The following PIK3R4 variants were observed in gnomAD, a reference collection of about 807,000 sequenced individuals.
The protein encoded by PIK3R4 is phosphoinositide 3-kinase regulatory subunit 4.
PIK3R4 carries 46 observed loss-of-function variants against 136.5 expected under a neutral mutation model. The observed-to-expected ratio is 0.34, with a 90% CI of 0.27 to 0.43. PIK3R4 has a LOEUF of 0.43. Among genes scored for constraint, PIK3R4 ranks in the 20% least tolerant of loss-of-function variants. PIK3R4 has a pLI of 1.00. For synonymous variants in PIK3R4, 557 were observed against 566.7 expected, an observed-to-expected ratio of 0.98 and a Z score of 0.24; for missense variants, 1,331 against 1,649.5, an observed-to-expected ratio of 0.81 and a Z score of 3.35.
intron 3 of PIK3R4, among the ~76,000 whole-genome samples, chr3:130,735,065 T>C (rs1012632869): frequency 6.6e-6 from 1 of 152,218 alleles, no homozygotes; most frequent in African/African-American, 2.4e-5. Flanking sequence ...GTAACAAGTA[T>C]GTGCCATACC....
In PIK3R4 at chr3:130,681,525, CAG is replaced by C; in HGVS notation, c.3672_3673del (p.Trp1225GlyfsTer9). 6.2e-7 allele frequency: 1 copy of C among 1,612,278 alleles called. No individual in the cohort carries two copies. Among genetic ancestry groups the C allele is most frequent in the Non-Finnish European group, 8.5e-7 (1 of 1,178,422 alleles). On this transcript the variant is annotated frameshift_variant, in exon 17 of 20. Coordinates refer to ENST00000356763, the MANE Select transcript of PIK3R4 (RefSeq NM_014602.3). LOFTEE classifies it high-confidence loss of function. ...AGAAAGTGGTGGTGCACTGCTGGCC[CAG>C]AGAGTAAATCTTCTGTCACCAGTCT... is the stretch of plus-strand genomic sequence containing the variant.
At chr3:130,710,626 T>C (rs925452448) in intron 9 of PIK3R4, among the ~76,000 whole-genome samples, 4 of 152,058 alleles carry the variant, frequency 2.6e-5, no homozygotes, top group Non-Finnish European at 1.5e-5. Flanking sequence ...ATGAATAAAA[T>C]AGTCACTGTT....
chr3:130,714,871 A>C (rs1559825841), intron 9 of PIK3R4, among the ~76,000 whole-genome samples: 1 of 152,042 alleles, frequency 6.6e-6, no homozygotes, highest in Non-Finnish European at 1.5e-5. Context: ...GGTTGGTTCC[A>C]TGTCTTTGCT....
intron 9 of PIK3R4, among the ~76,000 whole-genome samples, chr3:130,712,439 C>T (rs572489971): frequency 2.6e-5 from 4 of 151,972 alleles, no homozygotes; most frequent in East Asian, 1.9e-4. Context: ...GAGGCCAAGG[C>T]GGGCGGATCA....
rs563315591 is a variant in PIK3R4, at chr3:130,730,410, T to G, written c.1483A>C (p.Arg495=). The change falls in exon 5 of 20, where the codon AGA becomes CGA. Residue 495 remains arginine, a synonymous_variant. Coordinates refer to ENST00000356763, the MANE Select transcript of PIK3R4 (RefSeq NM_014602.3). ...TTTAACTGTACTAATTCCAGGAATC[T>G]CAGAGCTGTTTCTGCCAGCAGAGCT... is the stretch of plus-strand genomic sequence containing the variant. ...NIALLAETAL[R]FLELVQLKNL... 1.9e-5 allele frequency: 31 copies of G among 1,596,556 alleles called. No homozygotes were observed. In the East Asian group the frequency reaches 6.6e-4, roughly 34 times the overall value.
rs750259250 is a variant in PIK3R4 at position 130,686,298 on chromosome 3, T to C, written c.3388A>G (p.Ser1130Gly). 2 of 1,613,592 alleles carry C rather than the reference T, an allele frequency of 1.2e-6. No individual in the cohort carries two copies. The highest frequency in any genetic ancestry group is 1.7e-6 in the Non-Finnish European group (2 of 1,179,562). Residue 1130 changes from serine to glycine, a missense_variant, in exon 15 of 20, where the codon AGC becomes GGC. Ser to Gly is a moderately conservative substitution (Grantham distance 56). Around this residue, in one of 2 missense-constraint regions of PIK3R4, gnomAD observed 1,180 missense variants for 1,407.0 expected, o/e 0.84. Transcript: ENST00000356763. Reference sequence around the variant, plus strand: ...TCATGCTTTAAAGTCCACGCATTGCTTGAAGACCTAAGGTCCCAGCCAACC... The same window carrying C: ...TCATGCTTTAAAGTCCACGCATTGCCTGAAGACCTAAGGTCCCAGCCAACC... ...SLVGWDLRSS[S>G]NAWTLKHDLK...
chr3:130,689,567 C>T (rs978806087), intron 14 of PIK3R4, among the ~76,000 whole-genome samples: 10 of 152,286 alleles, frequency 6.6e-5, no homozygotes, highest in African/African-American at 2.4e-4. Flanking sequence ...GGTGACCCAA[C>T]AAATATCCCT....
At chr3:130,740,441 T>C (rs2066815721) in intron 2 of PIK3R4, among the ~76,000 whole-genome samples, 1 of 152,036 alleles carries the variant, frequency 6.6e-6, no homozygotes, top group Admixed American at 6.6e-5. Flanking sequence ...TACCTCATCT[T>C]AGAAAACACT....
At chr3:130,714,682 T>G (rs2066652617) in intron 9 of PIK3R4, among the ~76,000 whole-genome samples, 1 of 151,914 alleles carries the variant, frequency 6.6e-6, no homozygotes, top group African/African-American at 2.4e-5. Flanking sequence ...GGCTCCCACT[T>G]ATGAATGAGA....
intron 13 of PIK3R4, among the ~76,000 whole-genome samples, chr3:130,692,255 T>C (rs1355864395): frequency 6.6e-6 from 1 of 152,194 alleles, no homozygotes; most frequent in Non-Finnish European, 1.5e-5. Context: ...CAATGATTTT[T>C]AGTATATTAA....
chr3:130,684,355 A>G lies in PIK3R4; in HGVS notation c.3502T>C (p.Trp1168Arg). 1 of 1,613,578 alleles carries G rather than the reference A, an allele frequency of 6.2e-7. No individual in the cohort carries two copies. The highest frequency in any genetic ancestry group is 8.5e-7 in the Non-Finnish European group (1 of 1,179,580). Residue 1168 changes from tryptophan to arginine, a missense_variant, in exon 16 of 20, where the codon TGG becomes CGG. Trp to Arg is a moderately radical substitution (Grantham distance 101). Transcript: ENST00000356763. ...IGTSSGTMAC[W>R]DMRFQLPISS... ...ATTGGCAACTGGAACCTCATGTCCC[A>G]ACAAGCCATGGTACCACTGCTTGTA...
rs776508983 is a variant in PIK3R4, at chr3:130,723,596, G to GA, written c.1808-10dup. 38 of 1,609,022 alleles carry GA rather than the reference G, an allele frequency of 2.4e-5. No individual in the cohort carries two copies. In the African/African-American group the frequency reaches 5.1e-4, roughly 22 times the overall value. On this transcript the variant is annotated splice_polypyrimidine_tract_variant and intron_variant, in intron 6 of 19. Transcript: ENST00000356763. ...AACATAGGCAGCAACACCTGGAAATGAAAAGCAATATTATGTGATTATTCA... is the reference window on the plus strand; with the variant it reads ...AACATAGGCAGCAACACCTGGAAATGAAAAAGCAATATTATGTGATTATTCA...
In PIK3R4 at chr3:130,744,640, TCTC is replaced by T. The variant is rs1219441853; in HGVS notation, c.576_578del (p.Arg193del). The T allele has an allele frequency of 1.2e-6, 2 of 1,614,198 alleles. No individual in the cohort carries two copies. The highest frequency in any genetic ancestry group is 1.7e-6 in the Non-Finnish European group (2 of 1,180,032). On this transcript the variant is annotated inframe_deletion, in exon 2 of 20. Transcript: ENST00000356763. ...AACGTTCAGGAGCAATATAGCAAGTTCTCCTCCGTGATGTGTCAAAGAAATAAT... is the reference window on the plus strand; with the variant it reads ...AACGTTCAGGAGCAATATAGCAAGTTCTCCGTGATGTGTCAAAGAAATAAT...
Position 130,744,312 on chromosome 3 carries a change from C to T in PIK3R4, c.733+174G>A, listed in dbSNP as rs557678045. Among the ~76,000 whole-genome samples the T allele has an allele frequency of 2.2e-4, 34 of 152,328 alleles. 1 individual carries two copies. The South Asian group carries it at 6.8e-3, about 31-fold the overall frequency. ...TGTAAATAAACTGCTGTTTGCATTT[C>T]CTAGGCATTTAAACATATCCAATGC... On this transcript the variant is annotated intron_variant, in intron 2 of 19. Transcript: ENST00000356763.
chr3:130,740,456 G>T lies in PIK3R4; in HGVS notation c.733+4030C>A, dbSNP rs148140785. ...TACCTCATCTTAGAAAACACTGAAGGCCGGGCACAGTGGCTCATACCTGTA... is the reference window on the plus strand; with the variant it reads ...TACCTCATCTTAGAAAACACTGAAGTCCGGGCACAGTGGCTCATACCTGTA... On this transcript the variant is annotated intron_variant, in intron 2 of 19. Coordinates refer to ENST00000356763, the MANE Select transcript of PIK3R4 (RefSeq NM_014602.3). Among the ~76,000 whole-genome samples the T allele has an allele frequency of 4.2e-3, 634 of 152,220 alleles. 1 individual carries two copies. The highest frequency in any genetic ancestry group is 0.014 in the African/African-American group (590 of 41,510).
chr3:130,701,257 A>C (rs1188753996), intron 13 of PIK3R4, among the ~76,000 whole-genome samples: 1 of 152,168 alleles, frequency 6.6e-6, no homozygotes, highest in African/African-American at 2.4e-5. Flanking sequence ...CACACCCGTA[A>C]ACTCAGCACT....
chr3:130,680,933 G>A, intron 18 of PIK3R4, 44 bp downstream of exon 18: 1 of 987,032 alleles, frequency 1.0e-6, no homozygotes, highest in South Asian at 1.5e-5. Flanking sequence ...TATAATAACA[G>A]CTTGTAAAAG....
At chr3:130,681,124 G>A in intron 17 of PIK3R4, 59 bp from the exon 18 acceptor site, 1 of 959,284 alleles carries the variant, frequency 1.0e-6, no homozygotes, top group Non-Finnish European at 1.7e-6. Flanking sequence ...ATAAATGATA[G>A]TGCTATTTCT....
chr3:130,698,849 T>C (rs1393513638), intron 13 of PIK3R4, among the ~76,000 whole-genome samples: 1 of 152,228 alleles, frequency 6.6e-6, no homozygotes, highest in African/African-American at 2.4e-5. Flanking sequence ...GTATTCCTTG[T>C]CATATGTGGC....
Sources: gnomAD v4.1 joint callset for allele counts (sites outside exome capture counted in the v4.1 genomes callset) on GRCh38, gnomAD v4.1.1 for gene constraint, gnomAD v4.1.1 regional missense constraint, MANE v1.5 for transcripts, NCBI Gene and HGNC (gene_info 2026-07-23, HGNC 2026-07-21) for gene names.